The following RIMS2 variants were observed in gnomAD, a reference collection of about 807,000 sequenced individuals.
The protein encoded by RIMS2 is regulating synaptic membrane exocytosis protein 2.
Under a neutral mutation model 174.4 loss-of-function variants are expected in RIMS2, and 59 were observed. The ratio of observed to expected loss-of-function variants is 0.34; its 90% CI spans 0.27 to 0.42. RIMS2 has a LOEUF of 0.42. RIMS2 is among the 10% of genes least tolerant of loss of function. The pLI is 1.00. For missense variants in RIMS2, 1,620 were observed against 1,666.3 expected, an observed-to-expected ratio of 0.97 and a Z score of 0.48; for synonymous variants, 606 against 572.5, an observed-to-expected ratio of 1.06 and a Z score of -0.84.
At chr8:103,976,935 A>T (rs1008621162) in intron 16 of RIMS2, 1 of 152,238 alleles carries the variant, frequency 6.6e-6, no homozygotes, top group African/African-American at 2.4e-5. Flanking sequence ...TTAAGTACAG[A>T]CAAGCTTAAT....
At chr8:103,650,347 C>A (rs1007592730) in intron 1 of RIMS2, among the ~76,000 whole-genome samples, 1 of 152,076 alleles carries the variant, frequency 6.6e-6, no homozygotes, top group Non-Finnish European at 1.5e-5. Flanking sequence ...CCCAAATATG[C>A]CTGTAGGAGG....
intron 1 of RIMS2, among the ~76,000 whole-genome samples, chr8:103,649,996 G>T (rs574831318): frequency 1.1e-3 from 175 of 152,234 alleles, no homozygotes; most frequent in Middle Eastern, 6.8e-3. Context: ...AAGGAGAAGA[G>T]CTGTTCTGGC....
chr8:103,636,307 T>G (rs1359049459), intron 1 of RIMS2, among the ~76,000 whole-genome samples: 5 of 152,170 alleles, frequency 3.3e-5, no homozygotes. Context: ...CCTCCCAGTT[T>G]GCTGGAACTG....
chr8:104,234,735 C>T (rs147081992), intron 19 of RIMS2, among the ~76,000 whole-genome samples: 1 of 152,208 alleles, frequency 6.6e-6, no homozygotes, highest in Non-Finnish European at 1.5e-5. Flanking sequence ...TCTTGTTTCT[C>T]ATTAAAAGTC....
At chr8:104,243,120 A>G (rs2099311010) in intron 19 of RIMS2, among the ~76,000 whole-genome samples, 1 of 152,076 alleles carries the variant, frequency 6.6e-6, no homozygotes, top group South Asian at 2.1e-4. Context: ...TTAGTAGGGG[A>G]TGTTTTGTAT....
chr8:104,138,044 G>A (rs2098535948), intron 19 of RIMS2, among the ~76,000 whole-genome samples: 1 of 152,156 alleles, frequency 6.6e-6, no homozygotes, highest in Non-Finnish European at 1.5e-5. Flanking sequence ...AACATGCAAA[G>A]TTTGTCTTTC....
intron 4 of RIMS2, among the ~76,000 whole-genome samples, chr8:103,888,097 G>T (rs972639914): frequency 9.2e-5 from 14 of 151,366 alleles, no homozygotes; most frequent in Non-Finnish European, 1.5e-5. Flanking sequence ...GACAATAATT[G>T]AAAATGTGAT....
At chr8:104,155,805 C>A (rs534991937) in intron 19 of RIMS2, among the ~76,000 whole-genome samples, 1 of 152,130 alleles carries the variant, frequency 6.6e-6, no homozygotes, top group African/African-American at 2.4e-5. Flanking sequence ...GAAGATGATA[C>A]CAAGTTTGCA....
intron 1 of RIMS2, among the ~76,000 whole-genome samples, chr8:103,582,020 A>G (rs1395891271): frequency 1.3e-5 from 2 of 152,274 alleles, no homozygotes; most frequent in East Asian, 3.9e-4. Context: ...TCCAAAAGAG[A>G]ACTCTTTCTT....
intron 14 of RIMS2, 101 bp from the exon 17 acceptor site, chr8:103,960,964 C>T: frequency 1.4e-6 from 1 of 730,250 alleles, no homozygotes; most frequent in East Asian, 2.5e-5. Context: ...TTGTTATTAA[C>T]TGATTCACTC....
intron 14 of RIMS2, among the ~76,000 whole-genome samples, chr8:103,952,159 G>A (rs1011989147): frequency 2.6e-5 from 4 of 152,144 alleles, no homozygotes; most frequent in African/African-American, 9.7e-5. Context: ...CTGGGGGAAG[G>A]AGCGGTTGGG....
chr8:103,681,026 T>C (rs1160771506), intron 1 of RIMS2, among the ~76,000 whole-genome samples: 1 of 151,644 alleles, frequency 6.6e-6, no homozygotes, highest in African/African-American at 2.4e-5. Flanking sequence ...TATTAAAGAG[T>C]AACGAATTAT....
intron 3 of RIMS2, among the ~76,000 whole-genome samples, chr8:103,785,498 A>G: frequency 6.6e-6 from 1 of 152,076 alleles, no homozygotes; most frequent in East Asian, 1.9e-4. Context: ...GAATTTTGTC[A>G]AAGGCTTTTT....
intron 2 of RIMS2, among the ~76,000 whole-genome samples, chr8:103,699,400 A>G (rs191771257): frequency 6.6e-6 from 1 of 151,652 alleles, no homozygotes; most frequent in African/African-American, 2.4e-5. Context: ...CTAATTTTTA[A>G]AATTATTTTT....
chr8:103,957,016 T>C (rs1340770034), intron 14 of RIMS2, among the ~76,000 whole-genome samples: 2 of 152,154 alleles, frequency 1.3e-5, no homozygotes, highest in Non-Finnish European at 2.9e-5. Flanking sequence ...TTATCACTGG[T>C]AATTAGGGAA....
In RIMS2 at chr8:103,553,769, G is replaced by A. The variant is rs537541614; in HGVS notation, c.176+52707G>A. Among the ~76,000 whole-genome samples, 92 of 152,142 alleles carry A rather than the reference G, an allele frequency of 6.0e-4. No individual in the cohort carries two copies. In the Middle Eastern group the frequency reaches 0.024, roughly 39 times the overall value. On this transcript the variant is annotated intron_variant, in intron 1 of 23. Transcript: ENST00000504942. ...AGGCAATCCTAAGTAAAAAAACAAA[G>A]CTGAAGGCATCATGCTACCTGACTT...
At chr8:103,860,746 A>G (rs2099054341) in intron 3 of RIMS2, among the ~76,000 whole-genome samples, 1 of 151,880 alleles carries the variant, frequency 6.6e-6, no homozygotes, top group Non-Finnish European at 1.5e-5. Context: ...CAAGTAAGGG[A>G]AACTTTACAC....
chr8:103,648,101 G>T (rs1439409968), intron 1 of RIMS2, among the ~76,000 whole-genome samples: 1 of 151,946 alleles, frequency 6.6e-6, no homozygotes, highest in Non-Finnish European at 1.5e-5. Flanking sequence ...GCGTCCCAGA[G>T]CTTTGGGTAC....
At chr8:104,196,957 A>C (rs2099027696) in intron 19 of RIMS2, among the ~76,000 whole-genome samples, 1 of 152,168 alleles carries the variant, frequency 6.6e-6, no homozygotes, top group Admixed American at 6.5e-5. Context: ...AAATTTCATG[A>C]GATATTAAAC....
Sources: gnomAD v4.1 joint callset for allele counts (sites outside exome capture counted in the v4.1 genomes callset) on GRCh38, gnomAD v4.1.1 for gene constraint, MANE v1.5 for transcripts, NCBI Gene and HGNC (gene_info 2026-07-23, HGNC 2026-07-21) for gene names.